Variants in WAPL observed in about 807,000 individuals in gnomAD.
WAPL encodes wings apart-like protein homolog.
A neutral mutation model predicts 121.0 loss-of-function variants in WAPL; 5 were observed. The ratio of observed to expected loss-of-function variants is 0.04; its 90% CI spans 0.02 to 0.09. WAPL has a LOEUF of 0.09. Ranked by LOEUF, WAPL falls within the 10% of genes least tolerant of loss-of-function variation. The pLI is 1.00. For missense variants in WAPL, 999 were observed against 1,410.8 expected (o/e 0.71, Z 4.68); for synonymous variants, 480 against 481.5 (o/e 1.00, Z 0.04).
At chr10:86,473,852 AAAAT>A in intron 5 of WAPL, 22 bp downstream of exon 5, 1 of 1,550,340 alleles carries the variant, frequency 6.5e-7, no homozygotes, top group South Asian at 1.1e-5. Flanking sequence ...TAAAAAACAC[AAAAT>A]AAATAAGTAC....
chr10:86,496,249 C>T (rs140833082), intron 4 of WAPL, among the ~76,000 whole-genome samples: 1 of 152,194 alleles, frequency 6.6e-6, no homozygotes, highest in African/African-American at 2.4e-5. Flanking sequence ...AATGAGATAC[C>T]ACTTCACACC....
chr10:86,481,863 G>C (rs1360295427), intron 4 of WAPL, among the ~76,000 whole-genome samples: 4 of 149,216 alleles, frequency 2.7e-5, no homozygotes, highest in African/African-American at 9.9e-5. Context: ...AAAAAAAAAA[G>C]TAAGAATGGA....
rs192444148 is a variant in WAPL at position 86,490,913 on chromosome 10, A to G, written c.1644+6288T>C. On this transcript the variant is annotated intron_variant, in intron 4 of 18. Transcript: ENST00000298767. ...CCCCATCTCTACTAAAAATACAAAA[A>G]TTAGCTGGGCATGGTGGTGCATGCC... is the stretch of plus-strand genomic sequence containing the variant. Among the ~76,000 whole-genome samples the G allele has an allele frequency of 3.8e-3, 576 of 151,476 alleles. 1 individual carries two copies. The highest frequency in any genetic ancestry group is 6.3e-3 in the Non-Finnish European group (430 of 67,888).
chr10:86,446,593 G>A (rs188358171), intron 15 of WAPL, 144 bp from the exon 16 acceptor site: 27 of 950,446 alleles, frequency 2.8e-5, no homozygotes, highest in Middle Eastern at 3.3e-4. Flanking sequence ...ATAAGTAAAA[G>A]CTTTTGCTCT....
Position 86,500,704 on chromosome 10 carries a change from C to T in WAPL, c.539G>A (p.Ser180Asn). The T allele has an allele frequency of 6.3e-7, 1 of 1,580,164 alleles. No individual in the cohort carries two copies. Among genetic ancestry groups the T allele is most frequent in the Non-Finnish European group, 8.6e-7 (1 of 1,168,836 alleles). ...ATCAGCATTTTTGTGAATATGGTGA[C>T]TATTCTTTTCATGTTCTTCATGAAA... ...ENFHEEHEKN[S>N]HHIHKNADDS... Residue 180 changes from serine to asparagine, a missense_variant, in exon 3 of 19, where the codon AGT (serine) becomes AAT (asparagine). By Grantham distance (46) the Ser-to-Asn change is conservative. Transcript: ENST00000298767.
At chr10:86,444,028 A>C (rs1467137233) in intron 16 of WAPL, 1 of 152,306 alleles carries the variant, frequency 6.6e-6, no homozygotes, top group African/African-American at 2.4e-5. Flanking sequence ...TGTCTCAAAA[A>C]CAACAAAAAC....
At chr10:86,514,662 T>C (rs567315738) in intron 2 of WAPL, among the ~76,000 whole-genome samples, 3 of 152,332 alleles carry the variant, frequency 2.0e-5, no homozygotes, top group Admixed American at 6.5e-5. Flanking sequence ...ATTATCCCAC[T>C]TAGCTGGTTG....
chr10:86,509,143 C>T (rs1842408700), intron 2 of WAPL, among the ~76,000 whole-genome samples: 1 of 152,180 alleles, frequency 6.6e-6, no homozygotes, highest in Admixed American at 6.5e-5. Flanking sequence ...TATTTATATA[C>T]TGAATTTCGA....
intron 15 of WAPL, among the ~76,000 whole-genome samples, chr10:86,448,197 G>A (rs755214930): frequency 6.6e-6 from 1 of 152,080 alleles, no homozygotes; most frequent in African/African-American, 2.4e-5. Flanking sequence ...AAGTACTAAG[G>A]CAGGGCATGG....
At chr10:86,484,077 G>A (rs373342648) in intron 4 of WAPL, among the ~76,000 whole-genome samples, 20 of 152,078 alleles carry the variant, frequency 1.3e-4, no homozygotes, top group South Asian at 6.2e-4. Flanking sequence ...AAAAGCTTAC[G>A]GAATAAAGAT....
chr10:86,484,359 G>A (rs1589522123), intron 4 of WAPL, among the ~76,000 whole-genome samples: 1 of 152,098 alleles, frequency 6.6e-6, no homozygotes, highest in East Asian at 1.9e-4. Flanking sequence ...CCAGGGTGTG[G>A]TGATGTCCAC....
intron 9 of WAPL, among the ~76,000 whole-genome samples, chr10:86,463,984 T>G (rs1358920051): frequency 6.6e-6 from 1 of 152,234 alleles, no homozygotes; most frequent in Non-Finnish European, 1.5e-5. Context: ...TACACTCTGA[T>G]GTTCACACAG....
chr10:86,445,319 A>G (rs1382397160), intron 16 of WAPL, among the ~76,000 whole-genome samples: 11 of 152,086 alleles, frequency 7.2e-5, no homozygotes. Context: ...TCTTCCTCAA[A>G]TATTTTTGAT....
At chr10:86,475,841 G>C (rs993276449) in intron 4 of WAPL, among the ~76,000 whole-genome samples, 3 of 152,170 alleles carry the variant, frequency 2.0e-5, no homozygotes, top group Admixed American at 1.3e-4. Context: ...CAGCCTTTTG[G>C]CAAGAATGAG....
chr10:86,514,532 T>C (rs1842520371), intron 2 of WAPL, among the ~76,000 whole-genome samples: 4 of 152,178 alleles, frequency 2.6e-5, no homozygotes, highest in Admixed American at 6.5e-5. Context: ...TGAACATCTA[T>C]TTACCTGTAT....
Position 86,506,297 on chromosome 10 carries a change from C to T in WAPL, c.500-5554G>A, listed in dbSNP as rs540442609. Among the ~76,000 whole-genome samples the T allele has an allele frequency of 1.9e-3, 286 of 152,248 alleles. 1 individual carries two copies. The highest frequency in any genetic ancestry group is 6.4e-3 in the African/African-American group (267 of 41,546). ...GAGGGTGAGGAAGGAGGAAGTGATGCATGAAAGAACTTCTAAACTGGCTGG... is the reference window on the plus strand; with the variant it reads ...GAGGGTGAGGAAGGAGGAAGTGATGTATGAAAGAACTTCTAAACTGGCTGG... On this transcript the variant is annotated intron_variant, in intron 2 of 18. Coordinates refer to ENST00000298767, the MANE Select transcript of WAPL (RefSeq NM_015045.5).
chr10:86,500,573 CTGATGG>C lies in WAPL; in HGVS notation c.664_669del (p.Pro222_Ser223del), dbSNP rs1354458301. 7.4e-6 allele frequency: 12 copies of C among 1,614,098 alleles called. No individual in the cohort carries two copies. The highest frequency in any genetic ancestry group is 1.0e-5 in the Non-Finnish European group (12 of 1,180,000). On this transcript the variant is annotated inframe_deletion, in exon 3 of 19. Coordinates refer to ENST00000298767, the MANE Select transcript of WAPL (RefSeq NM_015045.5). The stretch of plus-strand genomic sequence containing the variant: ...ACAGATCCCTTGATTGGAGATATTT[CTGATGG>C]TGATTCTGGCCTTTTCCCAAACTGG...
chr10:86,486,063 A>G (rs973482047), intron 4 of WAPL, among the ~76,000 whole-genome samples: 1 of 152,118 alleles, frequency 6.6e-6, no homozygotes. Context: ...CTCATCACCA[A>G]TCCAATTGCT....
chr10:86,468,843 G>T (rs1040816504), intron 8 of WAPL, among the ~76,000 whole-genome samples: 1 of 152,032 alleles, frequency 6.6e-6, no homozygotes, highest in Non-Finnish European at 1.5e-5. Flanking sequence ...GCTCACGTCT[G>T]TAATCCCAGC....
Sources: allele counts gnomAD v4.1 joint callset (sites outside exome capture counted in the v4.1 genomes callset), GRCh38; gene constraint gnomAD v4.1.1; transcripts MANE v1.5; gene names NCBI Gene and HGNC (gene_info 2026-07-23, HGNC 2026-07-21).